The following SV2B variants were observed in gnomAD, a reference collection of about 807,000 sequenced individuals.
The protein encoded by SV2B is synaptic vesicle glycoprotein 2B.
Under a neutral mutation model 73.9 loss-of-function variants are expected in SV2B, and 41 were observed. The ratio of observed to expected loss-of-function variants is 0.56; its 90% CI spans 0.43 to 0.72. The LOEUF is 0.72. Ranked by LOEUF, SV2B falls within the 30% of genes least tolerant of loss-of-function variation. SV2B has a pLI of 0.00. For missense variants in SV2B, 764 were observed against 857.8 expected, an observed-to-expected ratio of 0.89 and a Z score of 1.37; for synonymous variants, 314 against 314.2, an observed-to-expected ratio of 1.00 and a Z score of 0.01.
Position 91,226,645 on chromosome 15 carries a change from G to A in SV2B, c.382G>A (p.Val128Met), listed in dbSNP as rs773650229. The A allele has an allele frequency of 9.9e-6, 16 of 1,613,926 alleles. No individual in the cohort carries two copies. Among genetic ancestry groups the A allele is most frequent in the East Asian group, 4.5e-5 (2 of 44,898 alleles). Residue 128 changes from valine (V) to methionine (M), a missense_variant, in exon 2 of 13, where the codon GTG becomes ATG. By Grantham distance (21) the Val-to-Met change is conservative. Coordinates refer to ENST00000394232, the MANE Select transcript of SV2B (RefSeq NM_001323032.3). Reference sequence around the variant, plus strand: ...GATGGCCGATGGGGTGGAAGTGTTCGTGGTGAGTTTTGCCCTGCCCAGTGC... The same window carrying A: ...GATGGCCGATGGGGTGGAAGTGTTCATGGTGAGTTTTGCCCTGCCCAGTGC... ...ALMADGVEVF[V>M]VSFALPSAEK...
At position 91,112,695 on chromosome 15, in the gene SV2B, C is replaced by T. The variant is rs138813930; in HGVS notation, c.-392+12332C>T. Among the ~76,000 whole-genome samples, 24 of 152,262 alleles carry T rather than the reference C, an allele frequency of 1.6e-4. No individual in the cohort carries two copies. In the East Asian group the frequency reaches 3.3e-3, roughly 21 times the overall value. ...AGACTCACTGATTAGGGGATTTTCC[C>T]GCTTTCTCTTTTTCCTCATCATTTT... On this transcript the variant is annotated intron_variant, in intron 1 of 12. Coordinates refer to ENST00000394232, the MANE Select transcript of SV2B (RefSeq NM_001323032.3).
intron 11 of SV2B, among the ~76,000 whole-genome samples, chr15:91,285,006 A>G (rs1046003072): frequency 9.8e-5 from 15 of 152,368 alleles, no homozygotes; most frequent in Middle Eastern, 6.8e-3. Context: ...ACAACACATT[A>G]TTAATAAACA....
chr15:91,174,067 C>A (rs1305736470), intron 1 of SV2B, among the ~76,000 whole-genome samples: 1 of 152,174 alleles, frequency 6.6e-6, no homozygotes, highest in African/African-American at 2.4e-5. Flanking sequence ...ATTGCATGGG[C>A]CTTCTGACCA....
In SV2B at chr15:91,224,982, A is replaced by G. The variant is rs1230577574; in HGVS notation, c.-391-891A>G. Among the ~76,000 whole-genome samples, 2 of 152,074 alleles carry G rather than the reference A, an allele frequency of 1.3e-5. No individual in the cohort carries two copies. Among genetic ancestry groups the G allele is most frequent in the African/African-American group, 4.8e-5 (2 of 41,390 alleles). On this transcript the variant is annotated intron_variant, in intron 1 of 12. Transcript: ENST00000394232. The surrounding 1 kb of genome is among the most constrained non-coding windows in gnomAD (Gnocchi z 4.9). ...TGGTGTCCAGAATTGGAACTAGGGG[A>G]AAAAAAAGAAGCAACACTCATGTCA...
At chr15:91,269,286 T>C (rs1204585435) in intron 9 of SV2B, among the ~76,000 whole-genome samples, 1 of 152,106 alleles carries the variant, frequency 6.6e-6, no homozygotes, top group Non-Finnish European at 1.5e-5. Context: ...TCAAGATGGA[T>C]CAGGGCAGGA....
chr15:91,103,936 A>G (rs1251147214), intron 1 of SV2B, among the ~76,000 whole-genome samples: 1 of 152,178 alleles, frequency 6.6e-6, no homozygotes, highest in African/African-American at 2.4e-5. Context: ...ATTGATTTGC[A>G]GTGGTTGAGA....
chr15:91,233,475 A>C (rs2046661842), intron 2 of SV2B, among the ~76,000 whole-genome samples: 1 of 152,186 alleles, frequency 6.6e-6, no homozygotes, highest in Admixed American at 6.5e-5. Flanking sequence ...GATTGCTGAA[A>C]ACCAAACCCA....
Position 91,137,001 on chromosome 15 carries a change from A to C in SV2B, c.-392+36638A>C, listed in dbSNP as rs142134073. 1.2e-4 allele frequency among the ~76,000 whole-genome samples: 18 copies of C among 152,166 alleles called. No individual in the cohort carries two copies. The highest frequency in any genetic ancestry group is 2.5e-4 in the Non-Finnish European group (17 of 68,032). ...TTGATCCACGCAGAAGACAACCTGC[A>C]GGCAAAGCAAAAGCACTGGTATGTG... On this transcript the variant is annotated intron_variant, in intron 1 of 12. Transcript: ENST00000394232. The surrounding 1 kb of genome is among the most constrained non-coding windows in gnomAD (Gnocchi z 4.9).
chr15:91,294,488 G>A lies in SV2B; in HGVS notation c.*1936G>A, dbSNP rs996412590. 3 of 141,930 alleles carry A rather than the reference G, an allele frequency of 2.1e-5. No individual in the cohort carries two copies. Among genetic ancestry groups the A allele is most frequent in the South Asian group, 2.2e-4 (1 of 4,588 alleles). 8.8% of individuals were successfully genotyped at this position (141,930 alleles called of 1,614,324 possible). ...CCACTGTGTATTAATCTTTCTCTCA[G>A]TGTTTTATAGGAGTACTAACATTTA... On this transcript the variant is annotated 3_prime_UTR_variant, in exon 13 of 13. Coordinates refer to ENST00000394232, the MANE Select transcript of SV2B (RefSeq NM_001323032.3). This position sits in a 1 kb window ranked among gnomAD's most constrained non-coding sequence, Gnocchi z 4.1.
intron 1 of SV2B, among the ~76,000 whole-genome samples, chr15:91,177,746 T>A (rs1311496524): frequency 1.3e-3 from 148 of 111,756 alleles, no homozygotes; most frequent in African/African-American, 3.9e-3. Flanking sequence ...TGATTTTGTA[T>A]CCTGAGACTT....
chr15:91,272,252 A>C (rs2048340728), intron 9 of SV2B, among the ~76,000 whole-genome samples: 1 of 152,214 alleles, frequency 6.6e-6, no homozygotes, highest in East Asian at 1.9e-4. Flanking sequence ...CCTGAGCCAA[A>C]ATGTCAGGCC....
At chr15:91,262,163 G>A (rs541639470) in intron 6 of SV2B, among the ~76,000 whole-genome samples, 246 of 152,124 alleles carry the variant, frequency 1.6e-3, no homozygotes, top group Non-Finnish European at 2.9e-3. Flanking sequence ...CCTTGGGCAA[G>A]GTACTCTCTG....
intron 4 of SV2B, among the ~76,000 whole-genome samples, chr15:91,257,864 C>T (rs1199497610): frequency 1.3e-5 from 2 of 152,146 alleles, no homozygotes; most frequent in African/African-American, 4.8e-5. Flanking sequence ...GAAATCAAGA[C>T]AGGAGTGCCC....
intron 1 of SV2B, among the ~76,000 whole-genome samples, chr15:91,215,413 G>A (rs1309746815): frequency 6.6e-6 from 1 of 152,120 alleles, no homozygotes; most frequent in Non-Finnish European, 1.5e-5. Context: ...GCTAACACCA[G>A]GTGATTCTCT....
chr15:91,099,806 C>G (rs1057045337), upstream of SV2B: 3 of 152,302 alleles, frequency 2.0e-5, no homozygotes, highest in South Asian at 4.2e-4. Context: ...CGGGAACTTG[C>G]GTCTAGTCCT....
chr15:91,233,691 G>C (rs2046670111), intron 2 of SV2B, among the ~76,000 whole-genome samples: 1 of 151,910 alleles, frequency 6.6e-6, no homozygotes, highest in African/African-American at 2.4e-5. Context: ...CATCCTCTCT[G>C]CCCCCATTCA....
intron 1 of SV2B, among the ~76,000 whole-genome samples, chr15:91,181,481 C>T (rs1324340693): frequency 2.6e-5 from 4 of 151,858 alleles, no homozygotes; most frequent in African/African-American, 7.2e-5. Flanking sequence ...TTTGTTTCGC[C>T]GTGAATTTTC....
At chr15:91,104,011 G>A (rs764823110) in intron 1 of SV2B, among the ~76,000 whole-genome samples, 1 of 152,174 alleles carries the variant, frequency 6.6e-6, no homozygotes, top group Non-Finnish European at 1.5e-5. Context: ...CAAATCACAA[G>A]GAGAAGATCT....
chr15:91,258,453 T>C lies in SV2B; in HGVS notation c.817T>C (p.Phe273Leu). 6.2e-7 allele frequency: 1 copy of C among 1,614,092 alleles called. No individual in the cohort carries two copies. The highest frequency in any genetic ancestry group is 8.5e-7 in the Non-Finnish European group (1 of 1,179,968). The part of the protein sequence containing the change: ...WGFSMGTNYH[F>L]HSWRVFVIVC... ...CTTCAGCATGGGGACCAATTACCAC[T>C]TCCATAGCTGGAGAGTGTTTGTCAT... is the stretch of plus-strand genomic sequence containing the variant. Residue 273 changes from phenylalanine to leucine, a missense_variant, in exon 5 of 13, where the codon TTC becomes CTC. Phe to Leu is a conservative substitution (Grantham distance 22). Coordinates refer to ENST00000394232, the MANE Select transcript of SV2B (RefSeq NM_001323032.3). This position sits in a 1 kb window ranked among gnomAD's most constrained non-coding sequence, Gnocchi z 4.7.
Sources: gnomAD v4.1 joint callset for allele counts (sites outside exome capture counted in the v4.1 genomes callset) on GRCh38, gnomAD v4.1.1 for gene constraint, Gnocchi (gnomAD v3.1) non-coding constraint, MANE v1.5 for transcripts, NCBI Gene and HGNC (gene_info 2026-07-23, HGNC 2026-07-21) for gene names.